The following GRIK5 variants were observed in gnomAD, a reference collection of about 807,000 sequenced individuals.
The protein encoded by GRIK5 is glutamate ionotropic receptor kainate type subunit 5, also known as glutamate receptor ionotropic, kainate 5.
A neutral mutation model predicts 97.4 loss-of-function variants in GRIK5; 43 were observed. The ratio of observed to expected loss-of-function variants is 0.44; its 90% confidence interval spans 0.35 to 0.57. The LOEUF is 0.57. GRIK5 is among the 20% of genes least tolerant of loss of function. The pLI, the probability that GRIK5 is intolerant of heterozygous loss-of-function variation, is 0.01. For synonymous variants in GRIK5, 580 were observed against 583.5 expected, an observed-to-expected ratio of 0.99 and a Z score of 0.09; for missense variants, 1,015 against 1,382.0, an observed-to-expected ratio of 0.73 and a Z score of 4.21.
rs571583050 is a variant in GRIK5, at chr19:42,038,921, T to C, written c.1473+3631A>G. ...CTTCACGCTCCAGCTCCTCCTCCAGTGTTCTCCCTGTAAATGTCATTGCCA... is the reference window on the plus strand; with the variant it reads ...CTTCACGCTCCAGCTCCTCCTCCAGCGTTCTCCCTGTAAATGTCATTGCCA... On this transcript the variant is annotated intron_variant, in intron 12 of 19. Transcript: ENST00000593562. 2.1e-4 allele frequency among the ~76,000 whole-genome samples: 32 copies of C among 152,188 alleles called. 1 individual carries two copies. In the East Asian group the frequency reaches 5.8e-3, roughly 28 times the overall value.
intron 12 of GRIK5, among the ~76,000 whole-genome samples, chr19:42,029,400 G>T (rs1046065668): frequency 6.6e-6 from 1 of 151,648 alleles, no homozygotes; most frequent in Admixed American, 6.6e-5. Flanking sequence ...CTGAGCATAG[G>T]TGTTTGAGAC....
At chr19:42,063,099 AAAGG>A (rs1477218660) in intron 3 of GRIK5, among the ~76,000 whole-genome samples, 2 of 152,194 alleles carry the variant, frequency 1.3e-5, no homozygotes, top group African/African-American at 4.8e-5. Context: ...AAGGGAGATC[AAAGG>A]AAGGGATGAA....
At chr19:42,004,641 T>C (rs1337941886) in intron 17 of GRIK5, among the ~76,000 whole-genome samples, 3 of 152,180 alleles carry the variant, frequency 2.0e-5, no homozygotes, top group Non-Finnish European at 2.9e-5. Context: ...TCCTTTCTTT[T>C]GACAGAATCT....
At chr19:42,032,765 C>T (rs1468020034) in intron 12 of GRIK5, among the ~76,000 whole-genome samples, 1 of 152,186 alleles carries the variant, frequency 6.6e-6, no homozygotes, top group Non-Finnish European at 1.5e-5. Flanking sequence ...CTGCCCTGGC[C>T]AAACCCCATA....
chr19:42,065,811 C>G lies in GRIK5; in HGVS notation c.-41G>C, dbSNP rs982037280. 5 of 1,474,242 alleles carry G rather than the reference C, an allele frequency of 3.4e-6. No individual in the cohort carries two copies. Among genetic ancestry groups the G allele is most frequent in the Non-Finnish European group, 2.8e-6 (3 of 1,084,562 alleles). The allele number at this position is 1,474,242 out of a possible 1,614,324, so 91.3% of individuals were successfully genotyped here. A position where few individuals can be genotyped will look rare whatever the true frequency, so the allele number is the denominator to read the frequency against. ...ATGGGGACGCAGCTGCCGCGGCCCC[C>G]ACTCGCCACCTGCAGGGAGACCCCC... is the stretch of plus-strand genomic sequence containing the variant. On this transcript the variant is annotated 5_prime_UTR_variant, in exon 2 of 20. Transcript: ENST00000593562. This position sits in a 1 kb window ranked among gnomAD's most constrained non-coding sequence, Gnocchi z 5.8.
At chr19:42,000,109 G>A (rs1555870625) in intron 19 of GRIK5, among the ~76,000 whole-genome samples, 1 of 152,246 alleles carries the variant, frequency 6.6e-6, no homozygotes, top group African/African-American at 2.4e-5. Flanking sequence ...GGTCAAAGGA[G>A]CAGTGGCGGC....
Position 42,065,864 on chromosome 19 carries a change from G to A in GRIK5, c.-50-44C>T. 9.6e-7 allele frequency: 1 copy of A among 1,038,992 alleles called. No individual in the cohort carries two copies. The highest frequency in any genetic ancestry group is 1.4e-6 in the Non-Finnish European group (1 of 697,548). The allele number at this position is 1,038,992 out of a possible 1,614,324, so 64.4% of individuals were successfully genotyped here. A position where few individuals can be genotyped will look rare whatever the true frequency, so the allele number is the denominator to read the frequency against. The stretch of plus-strand genomic sequence containing the variant: ...GACCAAGGGGAGATTACTATGTGGT[G>A]GGATGGAACCCCTTGGAGGCCTGCT... On this transcript the variant is annotated intron_variant, in intron 1 of 19. Transcript: ENST00000593562. This position sits in a 1 kb window ranked among gnomAD's most constrained non-coding sequence, Gnocchi z 5.8.
At chr19:42,036,490 G>T (rs1014605422) in intron 12 of GRIK5, among the ~76,000 whole-genome samples, 10 of 152,034 alleles carry the variant, frequency 6.6e-5, no homozygotes. Context: ...GAGTGGCTGG[G>T]ACTACAGGCA....
chr19:42,067,298 G>A (rs1202083406), intron 1 of GRIK5, among the ~76,000 whole-genome samples: 2 of 152,226 alleles, frequency 1.3e-5, no homozygotes, highest in Non-Finnish European at 2.9e-5. Flanking sequence ...CAAGTGGCCT[G>A]CAAAACCTAG....
At chr19:42,043,529 G>A (rs562180298) in intron 11 of GRIK5, among the ~76,000 whole-genome samples, 3 of 146,640 alleles carry the variant, frequency 2.0e-5, no homozygotes, top group South Asian at 2.2e-4. Context: ...CCTCACCCCC[G>A]CCAAGTAGCT....
In GRIK5 at chr19:42,053,632, G is replaced by A. The variant is rs1282298865; in HGVS notation, c.1239C>T (p.Ala413=). Residue 413 remains alanine, a synonymous_variant, in exon 11 of 20, where the codon GCC becomes GCT. Transcript: ENST00000593562. ...TLDINLSQTL[A]NKTLVVTTIL... The stretch of plus-strand genomic sequence containing the variant: ...TGGTTGTGACCACCAGGGTCTTGTT[G>A]GCCAGTGTCTGCGACAGGTTGATGT... 1 of 1,612,480 alleles carries A rather than the reference G, an allele frequency of 6.2e-7. No individual in the cohort carries two copies. The highest frequency in any genetic ancestry group is 8.5e-7 in the Non-Finnish European group (1 of 1,178,654).
intron 12 of GRIK5, among the ~76,000 whole-genome samples, chr19:42,024,180 C>G (rs2075739166): frequency 6.6e-6 from 1 of 151,954 alleles, no homozygotes; most frequent in Admixed American, 6.6e-5. Flanking sequence ...ACCTCACTCC[C>G]ACTCTAGGGT....
chr19:42,025,005 G>A (rs1482458780), intron 12 of GRIK5, among the ~76,000 whole-genome samples: 1 of 152,170 alleles, frequency 6.6e-6, no homozygotes. Context: ...TTCTGGCACT[G>A]CTCAGGGGCC....
At position 42,009,806 on chromosome 19, in the gene GRIK5, C is replaced by T. The variant is rs1055712104; in HGVS notation, c.1872-2996G>A. Among the ~76,000 whole-genome samples the T allele has an allele frequency of 2.0e-5, 3 of 148,540 alleles. No homozygotes were observed. The Admixed American group carries it at 2.0e-4, about 10-fold the overall frequency. ...AAAAAGCCAGGCACAGTGGCTCAGGCCTGTAATTCTAGCACTTTCGGAGGC... is the reference window on the plus strand; with the variant it reads ...AAAAAGCCAGGCACAGTGGCTCAGGTCTGTAATTCTAGCACTTTCGGAGGC... On this transcript the variant is annotated intron_variant, in intron 15 of 19. Coordinates refer to ENST00000593562, the MANE Select transcript of GRIK5 (RefSeq NM_002088.5).
At chr19:42,061,150 C>T (rs2076253894) in intron 5 of GRIK5, among the ~76,000 whole-genome samples, 1 of 152,208 alleles carries the variant, frequency 6.6e-6, no homozygotes, top group Non-Finnish European at 1.5e-5. Flanking sequence ...CGGGTTCACG[C>T]CATTCTCCTG....
rs544012594 is a variant in GRIK5 at position 42,022,477 on chromosome 19, G to A, written c.1474-123C>T. On this transcript the variant is annotated intron_variant, in intron 12 of 19. Coordinates refer to ENST00000593562, the MANE Select transcript of GRIK5 (RefSeq NM_002088.5). This position sits in a 1 kb window ranked among gnomAD's most constrained non-coding sequence, Gnocchi z 4.2. Reference sequence around the variant, plus strand: ...AGGCGAGAGAGAGAGAGGTAGGGAGGGGGAGGGGCCAGGAGCATGGACTGA... The same window carrying A: ...AGGCGAGAGAGAGAGAGGTAGGGAGAGGGAGGGGCCAGGAGCATGGACTGA... 2.1e-4 allele frequency: 317 copies of A among 1,480,270 alleles called. 1 individual carries two copies. The highest frequency in any genetic ancestry group is 1.5e-3 in the African/African-American group (105 of 71,886). The allele number at this position is 1,480,270 out of a possible 1,614,324, so 91.7% of individuals were successfully genotyped here. A position where few individuals can be genotyped will look rare whatever the true frequency, so the allele number is the denominator to read the frequency against.
In GRIK5 at chr19:42,006,663, G is replaced by C. The variant is rs1307187333; in HGVS notation, c.2019C>G (p.Ser673=). 12 of 1,613,870 alleles carry C rather than the reference G, an allele frequency of 7.4e-6. No individual in the cohort carries two copies. In the Admixed American group the frequency reaches 1.8e-4, roughly 25 times the overall value. Residue 673 remains serine, a synonymous_variant, in exon 16 of 20, where the codon TCC becomes TCG. Transcript: ENST00000593562. The surrounding 1 kb of genome is among the most constrained non-coding windows in gnomAD (Gnocchi z 5.3). ...NIEYGTIHAG[S]TMTFFQNSRY... is the part of the protein sequence containing the mutation. ...GCCCCACCTGGAAGAAGGTCATGGT[G>C]GAGCCGGCGTGGATGGTGCCATACT...
Position 41,998,891 on chromosome 19 carries a change from C to T in GRIK5, c.2923G>A (p.Glu975Lys), listed in dbSNP as rs565614469. The T allele has an allele frequency of 8.9e-7, 1 of 1,119,962 alleles. No homozygotes were observed. Among genetic ancestry groups the T allele is most frequent in the Non-Finnish European group, 1.1e-6 (1 of 916,552 alleles). 69.4% of individuals were successfully genotyped at this position (1,119,962 alleles called of 1,614,324 possible). Residue 975 changes from glutamate to lysine, a missense_variant, in exon 20 of 20, where the codon GAG (glutamate) becomes AAG (lysine). Transcript: ENST00000593562. ...CGTGGTCACTCGTGCTCCGCCAGCT[C>T]CCGGGGGCCGGCGGGGCCAGGCCGC... ...RPRPGPAGPRELAEHE is the reference protein window; with the variant it reads ...RPRPGPAGPRKLAEHE
chr19:42,008,617 T>G (rs577103096), intron 15 of GRIK5, among the ~76,000 whole-genome samples: 1 of 151,758 alleles, frequency 6.6e-6, no homozygotes, highest in South Asian at 2.1e-4. Context: ...AAAGCAAGAC[T>G]CTTGCCTCAA....
Sources: allele counts gnomAD v4.1 joint callset (sites outside exome capture counted in the v4.1 genomes callset), GRCh38; gene constraint gnomAD v4.1.1; non-coding constraint Gnocchi (gnomAD v3.1); transcripts MANE v1.5; gene names NCBI Gene and HGNC (gene_info 2026-07-23, HGNC 2026-07-21).